Variants in BMPER observed in about 807,000 individuals in gnomAD.
The protein encoded by BMPER is BMP binding endothelial regulator, also known as BMP-binding endothelial regulator protein.
A neutral mutation model predicts 87.3 loss-of-function variants in BMPER; 45 were observed. That is an observed-to-expected ratio of 0.52 (90% confidence interval 0.41 to 0.66). The LOEUF is 0.66. Ranked by LOEUF, BMPER falls within the 30% of genes least tolerant of loss-of-function variation. The probability of loss-of-function intolerance (pLI) is 0.00; values close to 1 mark genes in which losing one functional copy is unlikely to be tolerated. For synonymous variants in BMPER, 326 were observed against 316.2 expected, an observed-to-expected ratio of 1.03 and a Z score of -0.33; for missense variants, 784 against 867.5, an observed-to-expected ratio of 0.90 and a Z score of 1.21.
intron 6 of BMPER, among the ~76,000 whole-genome samples, chr7:34,021,587 C>T (rs1257453609): frequency 6.6e-6 from 1 of 151,962 alleles, no homozygotes; most frequent in Non-Finnish European, 1.5e-5. Context: ...CAAAGTCTGG[C>T]TCCAAAGTAA....
intron 6 of BMPER, among the ~76,000 whole-genome samples, chr7:34,011,262 G>A (rs1786866438): frequency 6.6e-6 from 1 of 151,708 alleles, no homozygotes; most frequent in Admixed American, 6.6e-5. Flanking sequence ...GTAGGTCTGG[G>A]GTGAGGCCCG....
chr7:33,964,317 A>G (rs937018093), intron 3 of BMPER, among the ~76,000 whole-genome samples: 2 of 152,250 alleles, frequency 1.3e-5, no homozygotes, highest in Non-Finnish European at 2.9e-5. Flanking sequence ...TGGATTACAT[A>G]TACTAAAGAG....
At chr7:33,989,544 T>C (rs1009294193) in intron 6 of BMPER, among the ~76,000 whole-genome samples, 3 of 152,112 alleles carry the variant, frequency 2.0e-5, no homozygotes, top group Non-Finnish European at 4.4e-5. Context: ...GGTTGCGAAA[T>C]TTTTCTCCCA....
At chr7:33,939,405 C>G (rs1784692800) in intron 3 of BMPER, among the ~76,000 whole-genome samples, 1 of 152,182 alleles carries the variant, frequency 6.6e-6, no homozygotes, top group Non-Finnish European at 1.5e-5. Context: ...CCAGTGAGTG[C>G]AGTGTCCTGA....
At chr7:34,115,939 G>A (rs67524694) in intron 13 of BMPER, among the ~76,000 whole-genome samples, 25,112 of 152,132 alleles carry the variant, frequency 0.17, 2,314 homozygotes, top group Non-Finnish European at 0.2. Flanking sequence ...GCTCTTTTGC[G>A]TTCTGAGCGT....
intron 13 of BMPER, among the ~76,000 whole-genome samples, chr7:34,142,400 G>C (rs1271360759): frequency 6.6e-6 from 1 of 152,160 alleles, no homozygotes; most frequent in Non-Finnish European, 1.5e-5. Context: ...GACAGGCTCC[G>C]TGTGAAAGCA....
chr7:34,149,735 T>C (rs1791123194), intron 14 of BMPER, among the ~76,000 whole-genome samples: 1 of 151,802 alleles, frequency 6.6e-6, no homozygotes, highest in South Asian at 2.1e-4. Context: ...TTTTGCAGAG[T>C]GGTCTTGGGA....
At chr7:34,110,312 C>T (rs777108825) in intron 13 of BMPER, among the ~76,000 whole-genome samples, 7 of 152,332 alleles carry the variant, frequency 4.6e-5, no homozygotes, top group Non-Finnish European at 1.0e-4. Flanking sequence ...CCCCACTCAG[C>T]TTCTCCCACC....
intron 13 of BMPER, among the ~76,000 whole-genome samples, chr7:34,127,593 T>A (rs1790439613): frequency 6.6e-6 from 1 of 152,056 alleles, no homozygotes; most frequent in Non-Finnish European, 1.5e-5. Context: ...AAATACAAAC[T>A]CATCATCTCT....
intron 6 of BMPER, among the ~76,000 whole-genome samples, chr7:33,975,436 G>T (rs1199162639): frequency 6.6e-6 from 1 of 152,140 alleles, no homozygotes; most frequent in East Asian, 1.9e-4. Flanking sequence ...GTCTTTCTAA[G>T]CATTGCTGAA....
At chr7:34,139,381 C>G (rs549373134) in intron 13 of BMPER, among the ~76,000 whole-genome samples, 1 of 152,338 alleles carries the variant, frequency 6.6e-6, no homozygotes, top group Admixed American at 6.5e-5. Context: ...CCATTCTTTA[C>G]TTTCCCACTA....
At chr7:33,987,184 A>G (rs1291158590) in intron 6 of BMPER, among the ~76,000 whole-genome samples, 2 of 152,098 alleles carry the variant, frequency 1.3e-5, no homozygotes, top group African/African-American at 4.8e-5. Flanking sequence ...TTGATTACAC[A>G]TTCTGGCACC....
At chr7:34,094,175 C>T (rs1370801066) in intron 13 of BMPER, among the ~76,000 whole-genome samples, 1 of 152,226 alleles carries the variant, frequency 6.6e-6, no homozygotes, top group East Asian at 1.9e-4. Context: ...ATTTAATTCA[C>T]TCCTTTTTAC....
intron 3 of BMPER, among the ~76,000 whole-genome samples, chr7:33,961,768 T>C (rs1271204843): frequency 6.6e-6 from 1 of 152,092 alleles, no homozygotes; most frequent in African/African-American, 2.4e-5. Flanking sequence ...AGAAGCCAGA[T>C]TGCCTTAGTT....
chr7:34,059,406 G>C (rs183688472), intron 10 of BMPER, among the ~76,000 whole-genome samples: 25 of 152,086 alleles, frequency 1.6e-4, no homozygotes, highest in African/African-American at 6.0e-4. Flanking sequence ...GGGATGGTGG[G>C]GGGAGGTCAA....
intron 6 of BMPER, among the ~76,000 whole-genome samples, chr7:34,031,883 C>CAT (rs757962483): frequency 2.3e-3 from 122 of 53,044 alleles, no homozygotes; most frequent in Non-Finnish European, 3.0e-3. Flanking sequence ...TTAATTTGAC[C>CAT]ATATATATAT....
Position 34,051,978 on chromosome 7 carries a change from A to G in BMPER, c.786+8A>G, listed in dbSNP as rs1350703074. On this transcript the variant is annotated splice_region_variant and intron_variant, in intron 8 of 14. Coordinates refer to ENST00000649409, the MANE Select transcript of BMPER (RefSeq NM_001365308.1). ...ACAGCTTGTACCTGCAGGGTAAGGC[A>G]GCTCTGAGAGGCTGTGGTCCAGCAA... is the stretch of plus-strand genomic sequence containing the variant. 1.2e-6 allele frequency: 2 copies of G among 1,601,996 alleles called. No homozygotes were observed. Among genetic ancestry groups the G allele is most frequent in the South Asian group, 2.2e-5 (2 of 90,826 alleles).
chr7:33,945,163 G>T (rs959602205), intron 3 of BMPER, among the ~76,000 whole-genome samples: 1 of 151,520 alleles, frequency 6.6e-6, no homozygotes, highest in Non-Finnish European at 1.5e-5. Flanking sequence ...GGATCGTCTC[G>T]ATCTCCTGAC....
intron 11 of BMPER, among the ~76,000 whole-genome samples, chr7:34,063,960 G>A (rs985885473): frequency 6.6e-6 from 1 of 152,138 alleles, no homozygotes; most frequent in Non-Finnish European, 1.5e-5. Context: ...TCACATTGTT[G>A]TCAGGCAGGA....
Sources: gnomAD v4.1 joint callset for allele counts (sites outside exome capture counted in the v4.1 genomes callset) on GRCh38, gnomAD v4.1.1 for gene constraint, MANE v1.5 for transcripts, NCBI Gene and HGNC (gene_info 2026-07-23, HGNC 2026-07-21) for gene names.